Variants in BEND7 observed in about 807,000 individuals in gnomAD.
BEND7 encodes the protein BEN domain-containing protein 7.
BEND7 carries 28 observed loss-of-function variants against 50.9 expected under a neutral mutation model. The observed-to-expected ratio is 0.55, with a 90% confidence interval of 0.41 to 0.75. The LOEUF (loss-of-function observed/expected upper bound fraction) is 0.75, where lower values mean the gene tolerates loss of function less well. Among genes scored for constraint, BEND7 ranks in the 30% least tolerant of loss-of-function variants. The probability of loss-of-function intolerance (pLI) is 0.00; values close to 1 mark genes in which losing one functional copy is unlikely to be tolerated. For missense variants in BEND7, 477 were observed against 491.3 expected, an observed-to-expected ratio of 0.97 and a Z score of 0.28; for synonymous variants, 170 against 183.9, an observed-to-expected ratio of 0.92 and a Z score of 0.61.
chr10:13,463,360 G>A (rs1029068263), intron 6 of BEND7, among the ~76,000 whole-genome samples: 1 of 152,160 alleles, frequency 6.6e-6, no homozygotes. Context: ...GGAGTGCAGA[G>A]GGCATGACCT....
intron 5 of BEND7, among the ~76,000 whole-genome samples, chr10:13,486,377 G>A (rs965447353): frequency 4.6e-5 from 7 of 152,178 alleles, no homozygotes; most frequent in Admixed American, 3.3e-4. Flanking sequence ...GAGGAGGGTA[G>A]CCACAAGAGC....
intron 2 of BEND7, among the ~76,000 whole-genome samples, chr10:13,520,572 G>A (rs910763827): frequency 2.0e-5 from 3 of 152,308 alleles, no homozygotes; most frequent in African/African-American, 7.2e-5. Flanking sequence ...ATCAGCCCAC[G>A]TGGGCAGATT....
intron 1 of BEND7, among the ~76,000 whole-genome samples, 193 bp from the exon 2 acceptor site, chr10:13,526,414 A>C (rs566926339): frequency 2.6e-5 from 4 of 152,330 alleles, no homozygotes; most frequent in South Asian, 2.1e-4. Flanking sequence ...GGAGTACGCA[A>C]ACTTGAAAGA....
intron 2 of BEND7, among the ~76,000 whole-genome samples, chr10:13,505,451 C>G (rs1285839186): frequency 6.6e-6 from 1 of 152,210 alleles, no homozygotes; most frequent in African/African-American, 2.4e-5. Context: ...AAGGTACTGG[C>G]CATGGGTTCC....
At chr10:13,454,860 CA>C (rs1219148565) in intron 6 of BEND7, among the ~76,000 whole-genome samples, 2 of 152,134 alleles carry the variant, frequency 1.3e-5, no homozygotes, top group African/African-American at 4.8e-5. Flanking sequence ...GAGGCACAGA[CA>C]TACATGTGGT....
At chr10:13,515,112 G>A (rs1163445478) in intron 2 of BEND7, among the ~76,000 whole-genome samples, 1 of 152,162 alleles carries the variant, frequency 6.6e-6, no homozygotes, top group East Asian at 1.9e-4. Flanking sequence ...ATAATGTAAA[G>A]GTATTAATCT....
Position 13,497,433 on chromosome 10 carries a change from T to C in BEND7, c.449-545A>G, listed in dbSNP as rs187971672. Among the ~76,000 whole-genome samples the C allele has an allele frequency of 3.3e-5, 5 of 152,160 alleles. No individual in the cohort carries two copies. The East Asian group carries it at 9.6e-4, about 29-fold the overall frequency. ...TACTCTCTGGGTGTGGCGTTTGGGG[T>C]GGGGAAGCACAGAGGAGCAGGGATG... On this transcript the variant is annotated intron_variant, in intron 3 of 8. Transcript: ENST00000466271.
At chr10:13,512,384 C>A (rs1292563161) in intron 2 of BEND7, among the ~76,000 whole-genome samples, 1 of 152,222 alleles carries the variant, frequency 6.6e-6, no homozygotes, top group South Asian at 2.1e-4. Flanking sequence ...TTCTATGAAA[C>A]ACACAGCAAA....
intron 4 of BEND7, 54 bp downstream of exon 4, chr10:13,496,712 T>C: frequency 6.3e-7 from 1 of 1,575,172 alleles, no homozygotes; most frequent in Non-Finnish European, 8.6e-7. Context: ...CAACGGAAGA[T>C]GTCAGATATG....
At chr10:13,496,416 C>G (rs907995813) in intron 4 of BEND7, among the ~76,000 whole-genome samples, 1 of 152,224 alleles carries the variant, frequency 6.6e-6, no homozygotes, top group African/African-American at 2.4e-5. Flanking sequence ...TTCTTATCTG[C>G]TTAGTGCTTG....
intron 6 of BEND7, among the ~76,000 whole-genome samples, chr10:13,463,365 T>A (rs2073910738): frequency 6.6e-6 from 1 of 152,140 alleles, no homozygotes; most frequent in Non-Finnish European, 1.5e-5. Context: ...GCAGAGGGCA[T>A]GACCTATAAG....
At chr10:13,445,514 G>A (rs979324810) in intron 8 of BEND7, 4 of 152,214 alleles carry the variant, frequency 2.6e-5, no homozygotes, top group African/African-American at 9.6e-5. Context: ...CCAGCTGTGA[G>A]GCCGTGGGAA....
intron 6 of BEND7, among the ~76,000 whole-genome samples, chr10:13,463,369 C>CTA (rs2073911288): frequency 6.6e-6 from 1 of 152,040 alleles, no homozygotes; most frequent in Admixed American, 6.6e-5. Context: ...AGGGCATGAC[C>CTA]TATAAGATCT....
chr10:13,457,088 C>G, intron 6 of BEND7, among the ~76,000 whole-genome samples: 1 of 152,200 alleles, frequency 6.6e-6, no homozygotes, highest in East Asian at 1.9e-4. Flanking sequence ...ACATCTCCCC[C>G]CTTGTAATAT....
In BEND7 at chr10:13,441,687, C is replaced by A; in HGVS notation, c.*56G>T. ...GTAGCTCCTTGTGGGAGGCAGAGGA[C>A]GGATTTTAAAACCCATGGTGCAAAA... is the stretch of plus-strand genomic sequence containing the variant. On this transcript the variant is annotated 3_prime_UTR_variant, in exon 9 of 9. Transcript: ENST00000466271. 1 of 1,611,756 alleles carries A rather than the reference C, an allele frequency of 6.2e-7. No homozygotes were observed. The highest frequency in any genetic ancestry group is 1.1e-5 in the South Asian group (1 of 90,250).
At chr10:13,509,124 C>T (rs2078102738) in intron 2 of BEND7, among the ~76,000 whole-genome samples, 1 of 152,190 alleles carries the variant, frequency 6.6e-6, no homozygotes, top group Non-Finnish European at 1.5e-5. Flanking sequence ...CACGGCTTCT[C>T]AAACTTTTCC....
intron 5 of BEND7, among the ~76,000 whole-genome samples, chr10:13,488,480 C>A (rs943343182): frequency 6.6e-6 from 1 of 151,918 alleles, no homozygotes; most frequent in African/African-American, 2.4e-5. Flanking sequence ...GAATTAAATA[C>A]TGTATTTTCT....
At chr10:13,462,401 C>T (rs1840394681) in intron 6 of BEND7, among the ~76,000 whole-genome samples, 1 of 152,174 alleles carries the variant, frequency 6.6e-6, no homozygotes, top group South Asian at 2.1e-4. Flanking sequence ...GAGACTTATT[C>T]ACTACCACAA....
chr10:13,445,287 G>A (rs533870672), intron 8 of BEND7: 5 of 152,188 alleles, frequency 3.3e-5, no homozygotes, highest in Non-Finnish European at 7.3e-5. Flanking sequence ...TGGAAGAAAC[G>A]AGTTTCAGCT....
Sources: allele counts gnomAD v4.1 joint callset (sites outside exome capture counted in the v4.1 genomes callset), GRCh38; gene constraint gnomAD v4.1.1; transcripts MANE v1.5; gene names NCBI Gene and HGNC (gene_info 2026-07-23, HGNC 2026-07-21).